Variants in VAT1L observed in about 807,000 individuals in gnomAD.
The protein encoded by VAT1L is putative NADPH-dependent quinone oxidoreductase VAT1L.
In VAT1L, 34 loss-of-function variants were observed where a neutral mutation model predicts 44.1. That is an observed-to-expected ratio of 0.77 (90% CI 0.59 to 1.03). The LOEUF (loss-of-function observed/expected upper bound fraction) is 1.03. Ranked by LOEUF, VAT1L falls within the 50% of genes least tolerant of loss-of-function variation. VAT1L has a pLI of 0.00. For synonymous variants in VAT1L, 253 were observed against 202.2 expected (o/e 1.25, Z -2.13); for missense variants, 615 against 538.8 (o/e 1.14, Z -1.40).
intron 8 of VAT1L, among the ~76,000 whole-genome samples, chr16:77,975,678 C>A (rs753262838): frequency 2.0e-5 from 3 of 152,232 alleles, no homozygotes; most frequent in Non-Finnish European, 4.4e-5. Context: ...CTGGGAAACA[C>A]TAAGAGTGGA....
Position 77,894,244 on chromosome 16 carries a change from C to A in VAT1L, c.1077+9442C>A, listed in dbSNP as rs572393015. On this transcript the variant is annotated intron_variant, in intron 7 of 8. Transcript: ENST00000302536. Reference sequence around the variant, plus strand: ...CACAGAAAGGCAGCAGTAAAGGAACCACCACGGCCATCTGACAGGTCATTA... The same window carrying A: ...CACAGAAAGGCAGCAGTAAAGGAACAACCACGGCCATCTGACAGGTCATTA... 3.1e-4 allele frequency among the ~76,000 whole-genome samples: 47 copies of A among 152,312 alleles called. 1 individual carries two copies. The East Asian group carries it at 7.9e-3, about 26-fold the overall frequency.
chr16:77,941,770 G>T (rs899106167), intron 7 of VAT1L, among the ~76,000 whole-genome samples: 1 of 151,956 alleles, frequency 6.6e-6, no homozygotes, highest in Non-Finnish European at 1.5e-5. Context: ...TGTATTTTTG[G>T]TAGAAACAGG....
At chr16:77,930,755 G>C (rs686668) in intron 7 of VAT1L, among the ~76,000 whole-genome samples, 129,941 of 152,120 alleles carry the variant, frequency 0.85, 56,981 homozygotes, top group Non-Finnish European at 0.96. Context: ...CCAACATGCA[G>C]AGTTGTTCAA....
chr16:77,789,747 G>T (rs984687484), intron 1 of VAT1L, among the ~76,000 whole-genome samples: 20 of 152,212 alleles, frequency 1.3e-4, no homozygotes, highest in African/African-American at 4.6e-4. Context: ...CTCAGAAGGA[G>T]CTCAGCTCTC....
intron 7 of VAT1L, among the ~76,000 whole-genome samples, chr16:77,947,188 C>T (rs762403356): frequency 1.4e-4 from 21 of 152,238 alleles, no homozygotes; most frequent in African/African-American, 4.8e-4. Context: ...CTGACACTGA[C>T]GGAAGGAACA....
chr16:77,802,049 C>T (rs1421423372), intron 1 of VAT1L, among the ~76,000 whole-genome samples: 2 of 152,154 alleles, frequency 1.3e-5, no homozygotes, highest in Non-Finnish European at 2.9e-5. Context: ...GACAGACAGT[C>T]CATGTCTCTG....
chr16:77,813,757 G>A (rs186371984), intron 1 of VAT1L, among the ~76,000 whole-genome samples: 1 of 152,116 alleles, frequency 6.6e-6, no homozygotes, highest in Non-Finnish European at 1.5e-5. Flanking sequence ...CCAATTCATA[G>A]TTTTACAGAG....
intron 7 of VAT1L, among the ~76,000 whole-genome samples, chr16:77,920,822 T>C (rs1269785439): frequency 6.6e-6 from 1 of 152,178 alleles, no homozygotes; most frequent in Non-Finnish European, 1.5e-5. Flanking sequence ...TGGTAGGCTA[T>C]ACCGTCAAGG....
chr16:77,972,265 A>G (rs1190556789), intron 8 of VAT1L, among the ~76,000 whole-genome samples: 1 of 152,176 alleles, frequency 6.6e-6, no homozygotes, highest in Non-Finnish European at 1.5e-5. Flanking sequence ...TCATGTTCCT[A>G]ACAGAATGAT....
At position 77,797,705 on chromosome 16, in the gene VAT1L, G is replaced by C. The variant is rs373474280; in HGVS notation, c.233+8790G>C. Among the ~76,000 whole-genome samples, 839 of 152,260 alleles carry C rather than the reference G, an allele frequency of 5.5e-3. 1 individual carries two copies. Among genetic ancestry groups the C allele is most frequent in the Non-Finnish European group, 9.3e-3 (630 of 68,020 alleles). On this transcript the variant is annotated intron_variant, in intron 1 of 8. Coordinates refer to ENST00000302536, the MANE Select transcript of VAT1L (RefSeq NM_020927.3). The stretch of plus-strand genomic sequence containing the variant: ...CAACACTGACAGCAGAGCTCACCCA[G>C]GCATGAAGAAATAGTGCCCCGATGA...
intron 3 of VAT1L, among the ~76,000 whole-genome samples, chr16:77,849,300 C>T (rs1196801798): frequency 1.3e-5 from 2 of 152,110 alleles, no homozygotes; most frequent in Non-Finnish European, 2.9e-5. Context: ...GAGAGCATAC[C>T]ATGAAAGGAA....
intron 1 of VAT1L, among the ~76,000 whole-genome samples, chr16:77,794,518 T>G (rs562003561): frequency 6.6e-6 from 1 of 152,208 alleles, no homozygotes; most frequent in African/African-American, 2.4e-5. Context: ...CATTGCTACA[T>G]TGGCAAACCA....
intron 1 of VAT1L, among the ~76,000 whole-genome samples, chr16:77,808,936 G>C (rs975699995): frequency 3.9e-5 from 6 of 152,130 alleles, no homozygotes; most frequent in Non-Finnish European, 8.8e-5. Flanking sequence ...ATGAGAATTT[G>C]GAGCCCCTTG....
At chr16:77,831,581 T>C (rs1474123577) in intron 3 of VAT1L, among the ~76,000 whole-genome samples, 1 of 152,154 alleles carries the variant, frequency 6.6e-6, no homozygotes, top group Non-Finnish European at 1.5e-5. Context: ...GGAAAGTCTA[T>C]AAAATACCTG....
At chr16:77,966,212 A>G (rs427185) in intron 7 of VAT1L, among the ~76,000 whole-genome samples, 35,181 of 152,092 alleles carry the variant, frequency 0.23, 4,560 homozygotes, top group South Asian at 0.32. Context: ...CTTTATATTT[A>G]TTTTAGATGG....
intron 3 of VAT1L, among the ~76,000 whole-genome samples, chr16:77,858,506 T>C (rs1189432920): frequency 6.6e-6 from 1 of 152,212 alleles, no homozygotes; most frequent in Admixed American, 6.5e-5. Context: ...CTAGGCACTT[T>C]GATGCATTAT....
intron 7 of VAT1L, among the ~76,000 whole-genome samples, chr16:77,925,558 C>T (rs1000056056): frequency 5.3e-5 from 8 of 152,192 alleles, no homozygotes; most frequent in African/African-American, 1.9e-4. Flanking sequence ...ATTATTTCAG[C>T]TTTCCACGTT....
At chr16:77,830,443 T>C (rs1368527378) in intron 3 of VAT1L, among the ~76,000 whole-genome samples, 2 of 152,180 alleles carry the variant, frequency 1.3e-5, no homozygotes, top group African/African-American at 4.8e-5. Context: ...AAATCTCATC[T>C]TGAATTATGG....
intron 1 of VAT1L, among the ~76,000 whole-genome samples, chr16:77,805,284 C>T (rs971615832): frequency 6.6e-6 from 1 of 152,162 alleles, no homozygotes; most frequent in South Asian, 2.1e-4. Flanking sequence ...TCTGTTCCCA[C>T]AGTCTTGAGA....
Sources: allele counts gnomAD v4.1 joint callset (sites outside exome capture counted in the v4.1 genomes callset), GRCh38; gene constraint gnomAD v4.1.1; transcripts MANE v1.5; gene names NCBI Gene and HGNC (gene_info 2026-07-23, HGNC 2026-07-21).